The following CNBP variants were observed in gnomAD, a reference collection of about 807,000 sequenced individuals.
CNBP encodes CCHC-type zinc finger nucleic acid binding protein.
A neutral mutation model predicts 21.2 loss-of-function variants in CNBP; 6 were observed. The observed-to-expected ratio is 0.28, with a 90% CI of 0.16 to 0.56. The LOEUF is 0.56. Ranked by LOEUF, CNBP falls within the 20% of genes least tolerant of loss-of-function variation. CNBP has a pLI of 0.93. For missense variants in CNBP, 112 were observed against 233.1 expected (o/e 0.48, Z 3.38); for synonymous variants, 61 against 74.9 (o/e 0.81, Z 0.96).
At chr3:129,175,391 A>C (rs1196008838) in intron 1 of CNBP, among the ~76,000 whole-genome samples, 1 of 151,980 alleles carries the variant, frequency 6.6e-6, no homozygotes, top group African/African-American at 2.4e-5. Flanking sequence ...CAAAGGCAGA[A>C]CTTTACACAC....
intron 1 of CNBP, among the ~76,000 whole-genome samples, chr3:129,173,466 G>A (rs983398554): frequency 2.6e-5 from 4 of 152,044 alleles, no homozygotes; most frequent in Admixed American, 2.6e-4. Flanking sequence ...GGCAACATTT[G>A]TGTTTTGTTT....
At position 129,174,349 on chromosome 3, in the gene CNBP, T is replaced by TAAAAAAAAAAA. The variant is rs56752888; in HGVS notation, c.-14-2589_-14-2579dup. 1.1e-4 allele frequency among the ~76,000 whole-genome samples: 7 copies of TAAAAAAAAAAA among 63,154 alleles called. 1 individual carries two copies. The highest frequency in any genetic ancestry group is 3.6e-4 in the African/African-American group (5 of 14,020). 41.4% of individuals were successfully genotyped at this position (63,154 alleles called of 152,430 possible). On this transcript the variant is annotated intron_variant, in intron 1 of 4. Transcript: ENST00000422453. ...GTTTCCACCACAGAAGAGTCAGAAT[T>TAAAAAAAAAAA]AAAAAAAAAAAAAAAAAAAAAAAAA...
rs978280710 is a variant in CNBP, at chr3:129,169,686, A to G, written c.*767T>C. 1 of 213,400 alleles carries G rather than the reference A, an allele frequency of 4.7e-6. No individual in the cohort carries two copies. The allele number at this position is 213,400 out of a possible 1,614,324, so 13.2% of individuals were successfully genotyped here. On this transcript the variant is annotated 3_prime_UTR_variant, in exon 5 of 5. Transcript: ENST00000422453. ...TTTAAAAACTGATTACAGCAAATGA[A>G]ACACAGTTGTCTAAGTGATATAGTA...
rs1361058783 is a variant in CNBP, at chr3:129,169,461, A to C, written c.*992T>G. 1.0e-5 allele frequency: 2 copies of C among 196,230 alleles called. No individual in the cohort carries two copies. Among genetic ancestry groups the C allele is most frequent in the Admixed American group, 1.2e-4 (2 of 16,448 alleles). The allele number at this position is 196,230 out of a possible 1,614,324, so 12.2% of individuals were successfully genotyped here. On this transcript the variant is annotated 3_prime_UTR_variant, in exon 5 of 5. Transcript: ENST00000422453. ...TATTGAAGACATGACTTAAGTACAA[A>C]AAGAAAAGTCCAAACTGTCAGCTTT...
At chr3:129,171,332 T>C in intron 3 of CNBP, 55 bp from the exon 4 acceptor site, 1 of 1,608,232 alleles carries the variant, frequency 6.2e-7, no homozygotes, top group Non-Finnish European at 8.5e-7. Flanking sequence ...TACAAAGTGT[T>C]ACGTTTTAAA....
At chr3:129,173,059 T>C (rs910967780) in intron 1 of CNBP, among the ~76,000 whole-genome samples, 5 of 152,194 alleles carry the variant, frequency 3.3e-5, no homozygotes, top group African/African-American at 1.2e-4. Flanking sequence ...ACAAGTACAG[T>C]AGGCCCTCTA....
At chr3:129,182,733 T>C (rs1938387556) in intron 1 of CNBP, among the ~76,000 whole-genome samples, 1 of 152,174 alleles carries the variant, frequency 6.6e-6, no homozygotes, top group African/African-American at 2.4e-5. Context: ...TCCCAGCAAC[T>C]TAAATAGTGT....
intron 1 of CNBP, among the ~76,000 whole-genome samples, chr3:129,173,302 A>C (rs552190859): frequency 2.0e-5 from 3 of 152,180 alleles, no homozygotes; most frequent in Non-Finnish European, 2.9e-5. Context: ...GTACTACACT[A>C]TTTTATATTG....
chr3:129,168,721 G>T lies in CNBP; in HGVS notation c.*1732C>A, dbSNP rs572363470. Among the ~76,000 whole-genome samples the T allele has an allele frequency of 6.0e-4, 91 of 151,502 alleles. No homozygotes were observed. The highest frequency in any genetic ancestry group is 2.1e-3 in the African/African-American group (87 of 41,282). On this transcript the variant is annotated 3_prime_UTR_variant, in exon 5 of 5. Coordinates refer to ENST00000422453, the MANE Select transcript of CNBP (RefSeq NM_003418.5). ...TCGCACCTGTAACACTAGCACTTTG[G>T]GGGGCGGGGCAGGTGGATCACCTGA...
chr3:129,171,820 A>G, intron 1 of CNBP, 49 bp from the exon 2 acceptor site: 1 of 1,555,888 alleles, frequency 6.4e-7, no homozygotes, highest in Non-Finnish European at 8.7e-7. Flanking sequence ...AGTTCTTTTA[A>G]CTTTTATTCT....
At position 129,171,117 on chromosome 3, in the gene CNBP, T is replaced by C. The variant is rs376234237; in HGVS notation, c.378A>G (p.Gly126=). The change falls in exon 4 of 5, where the codon GGA becomes GGG. Residue 126 remains glycine (G), a synonymous_variant. Transcript: ENST00000422453. The part of the protein sequence containing the change: ...EQKCYSCGEF[G]HIQKDCTKVK... ...CTTTGGTGCAGTCTTTTTGAATGTG[T>C]CCGAATTCTCCACAAGAATAGCATT... is the stretch of plus-strand genomic sequence containing the variant. The C allele has an allele frequency of 1.6e-4, 252 of 1,614,000 alleles. No homozygotes were observed. Among genetic ancestry groups the C allele is most frequent in the Non-Finnish European group, 2.0e-4 (233 of 1,180,062 alleles).
rs1317172522 is a variant in CNBP, at chr3:129,170,314, C to A, written c.*139G>T. The A allele has an allele frequency of 5.5e-6, 4 of 723,704 alleles. No individual in the cohort carries two copies. Among genetic ancestry groups the A allele is most frequent in the Non-Finnish European group, 9.6e-6 (4 of 417,440 alleles). 44.8% of individuals were successfully genotyped at this position (723,704 alleles called of 1,614,324 possible). ...GCAGAAAGTCGGTTTTTTTCCACCC[C>A]TTTCCTCCTTTTACACGGCAAGTAA... On this transcript the variant is annotated 3_prime_UTR_variant, in exon 5 of 5. Coordinates refer to ENST00000422453, the MANE Select transcript of CNBP (RefSeq NM_003418.5).
rs538220291 is a variant in CNBP, at chr3:129,175,462, G to A, written c.-14-3691C>T. Among the ~76,000 whole-genome samples, 620 of 136,300 alleles carry A rather than the reference G, an allele frequency of 4.5e-3. 3 individuals carry two copies. The highest frequency in any genetic ancestry group is 0.016 in the African/African-American group (569 of 35,584). 89.4% of individuals were successfully genotyped at this position (136,300 alleles called of 152,430 possible). A position where few individuals can be genotyped will look rare whatever the true frequency, so the allele number is the denominator to read the frequency against. ...TTTTTTTTTTTTTTGAGACAGTCTC[G>A]CTCTGTCACCAGGCTGGAGTGCGGT... On this transcript the variant is annotated intron_variant, in intron 1 of 4. Coordinates refer to ENST00000422453, the MANE Select transcript of CNBP (RefSeq NM_003418.5).
At chr3:129,181,239 CAAAAAAA>C (rs10587328) in intron 1 of CNBP, among the ~76,000 whole-genome samples, 227 of 53,180 alleles carry the variant, frequency 4.3e-3, no homozygotes, top group African/African-American at 0.019. Flanking sequence ...GACTCTGTCT[CAAAAAAA>C]AAAAAAAAAA....
chr3:129,182,153 T>C (rs1938345271), intron 1 of CNBP, among the ~76,000 whole-genome samples: 1 of 152,142 alleles, frequency 6.6e-6, no homozygotes, highest in African/African-American at 2.4e-5. Flanking sequence ...CTAATTTAAA[T>C]TCGAATGGAA....
At chr3:129,173,986 A>G (rs1329661384) in intron 1 of CNBP, among the ~76,000 whole-genome samples, 1 of 152,230 alleles carries the variant, frequency 6.6e-6, no homozygotes, top group Admixed American at 6.5e-5. Context: ...TTAAAATTAC[A>G]CTGAAGTTGA....
At chr3:129,172,353 G>A (rs935635205) in intron 1 of CNBP, among the ~76,000 whole-genome samples, 1 of 151,802 alleles carries the variant, frequency 6.6e-6, no homozygotes, top group Non-Finnish European at 1.5e-5. Context: ...AGGCTGAAGC[G>A]GGTGGACCAT....
At chr3:129,175,141 T>G (rs1332636537) in intron 1 of CNBP, among the ~76,000 whole-genome samples, 3 of 151,876 alleles carry the variant, frequency 2.0e-5, no homozygotes, top group Non-Finnish European at 4.4e-5. Flanking sequence ...CTGGCCAACA[T>G]GGTGAAACCC....
intron 1 of CNBP, among the ~76,000 whole-genome samples, chr3:129,178,506 T>G (rs906155757): frequency 2.6e-5 from 4 of 152,070 alleles, no homozygotes; most frequent in Non-Finnish European, 5.9e-5. Flanking sequence ...ACTAGCAAAG[T>G]AGGGTATGAT....
Sources: allele counts gnomAD v4.1 joint callset (sites outside exome capture counted in the v4.1 genomes callset), GRCh38; gene constraint gnomAD v4.1.1; transcripts MANE v1.5; gene names NCBI Gene and HGNC (gene_info 2026-07-23, HGNC 2026-07-21).